Variants in NEB observed in about 807,000 individuals in gnomAD.
NEB encodes the protein nemaline myopathy type 2.
NEB carries 512 observed loss-of-function variants against 952.2 expected under a neutral mutation model. The ratio of observed to expected loss-of-function variants is 0.54; its 90% CI spans 0.50 to 0.58. The LOEUF (loss-of-function observed/expected upper bound fraction) is 0.58, where lower values mean the gene tolerates loss of function less well. Among genes scored for constraint, NEB ranks in the 20% least tolerant of loss-of-function variants. NEB has a pLI of 0.00. For missense variants in NEB, 8,428 were observed against 9,231.1 expected, an observed-to-expected ratio of 0.91 and a Z score of 3.56; for synonymous variants, 2,900 against 3,149.8, an observed-to-expected ratio of 0.92 and a Z score of 2.66.
Position 151,697,704 on chromosome 2 carries a change from A to T in NEB, c.1153-56T>A, listed in dbSNP as rs142661296. The T allele has an allele frequency of 1.6e-5, 17 of 1,083,130 alleles. No individual in the cohort carries two copies. The African/African-American group carries it at 1.6e-4, about 10-fold the overall frequency. 67.1% of individuals were successfully genotyped at this position (1,083,130 alleles called of 1,614,324 possible). ...GATTCCTGTCACTCCCACGCTGATT[A>T]TAACACTTACATTTTCTAACACTAA... is the stretch of plus-strand genomic sequence containing the variant. On this transcript the variant is annotated intron_variant, in intron 13 of 181. Transcript: ENST00000397345.
intron 173 of NEB, among the ~76,000 whole-genome samples, chr2:151,495,774 T>C (rs1262735409): frequency 2.0e-5 from 3 of 152,192 alleles, no homozygotes; most frequent in Non-Finnish European, 4.4e-5. Flanking sequence ...TTGCCAAAAC[T>C]ACTATTGGAT....
chr2:151,654,356 A>G (rs957705659), intron 51 of NEB, among the ~76,000 whole-genome samples: 13 of 152,188 alleles, frequency 8.5e-5, no homozygotes, highest in Admixed American at 2.0e-4. Context: ...TGCTGTTCAG[A>G]AACAATATGG....
At chr2:151,695,499 T>C in intron 18 of NEB, 79 bp downstream of exon 18, 3 of 974,802 alleles carry the variant, frequency 3.1e-6, no homozygotes, top group Non-Finnish European at 4.8e-6. Context: ...AATCTATTCA[T>C]TGAATTGCAA....
In NEB at chr2:151,698,816, T is replaced by A. The variant is rs549119346; in HGVS notation, c.1153-1168A>T. Among the ~76,000 whole-genome samples the A allele has an allele frequency of 2.1e-3, 320 of 152,010 alleles. 1 individual carries two copies. The highest frequency in any genetic ancestry group is 7.5e-3 in the African/African-American group (313 of 41,478). ...CCATGCCCGGCTAATTTTTTTGTAT[T>A]TTTAGTAGAGACAGGGTTTCACTGT... is the stretch of plus-strand genomic sequence containing the variant. On this transcript the variant is annotated intron_variant, in intron 13 of 181. Coordinates refer to ENST00000397345, the MANE Select transcript of NEB (RefSeq NM_001164508.2).
At position 151,709,748 on chromosome 2, in the gene NEB, C is replaced by A; in HGVS notation, c.943G>T (p.Asp315Tyr). 8.1e-6 allele frequency: 13 copies of A among 1,599,410 alleles called. No homozygotes were observed. The highest frequency in any genetic ancestry group is 1.1e-5 in the Non-Finnish European group (13 of 1,171,734). The change falls in exon 12 of 182, where the codon GAT (aspartate) becomes TAT (tyrosine). Residue 315 changes from aspartate to tyrosine, a missense_variant. Around this residue, in one of 11 missense-constraint regions of NEB, gnomAD observed 2,851 missense variants for 2,791.5 expected, o/e 1.02. Transcript: ENST00000397345. ...ATCTGGTCTTTCATGTTTTCAAAATCTTCCTGGTATTTCCTCTGTAAGACA... is the reference window on the plus strand; with the variant it reads ...ATCTGGTCTTTCATGTTTTCAAAATATTCCTGGTATTTCCTCTGTAAGACA... ...DNISTRKYQE[D>Y]FENMKDQIYF...
chr2:151,492,003 TC>T, intron 178 of NEB, 94 bp downstream of exon 178: 1 of 1,300,692 alleles, frequency 7.7e-7, no homozygotes, highest in Non-Finnish European at 1.1e-6. Flanking sequence ...CAGATTGAAG[TC>T]CTTTATGTTT....
chr2:151,501,863 A>G (rs2064886095), intron 167 of NEB, among the ~76,000 whole-genome samples: 1 of 152,190 alleles, frequency 6.6e-6, no homozygotes, highest in South Asian at 2.1e-4. Flanking sequence ...GGTTTGGGGG[A>G]ACAAAATAAA....
Position 151,551,894 on chromosome 2 carries a change from G to A in NEB, c.19837-49C>T, listed in dbSNP as rs760784179. On this transcript the variant is annotated intron_variant, in intron 128 of 181. Coordinates refer to ENST00000397345, the MANE Select transcript of NEB (RefSeq NM_001164508.2). ...AGAAGCAAAGAGAATGGGAACCCAG[G>A]TTCCTCTTTAAAAAAAATAACGGTA... 5.9e-6 allele frequency: 8 copies of A among 1,362,764 alleles called. No homozygotes were observed. The East Asian group carries it at 1.9e-4, about 32-fold the overall frequency. 84.4% of individuals were successfully genotyped at this position (1,362,764 alleles called of 1,614,324 possible).
intron 158 of NEB, 56 bp downstream of exon 158, chr2:151,514,762 G>A: frequency 2.5e-6 from 3 of 1,207,290 alleles, no homozygotes; most frequent in African/African-American, 1.5e-5. Flanking sequence ...ATTAATGAGT[G>A]TCACTAGTGC....
At position 151,621,369 on chromosome 2, in the gene NEB, G is replaced by C. The variant is rs150990450; in HGVS notation, c.10453-343C>G. Among the ~76,000 whole-genome samples the C allele has an allele frequency of 8.3e-4, 126 of 152,156 alleles. 1 individual carries two copies. The highest frequency in any genetic ancestry group is 2.8e-3 in the African/African-American group (116 of 41,512). Reference sequence around the variant, plus strand: ...TTTATTTAACTCCAAATTTGAATTGGGAACATTTTTACTAGCAGAGAACAG... The same window carrying C: ...TTTATTTAACTCCAAATTTGAATTGCGAACATTTTTACTAGCAGAGAACAG... On this transcript the variant is annotated intron_variant, in intron 71 of 181. Transcript: ENST00000397345.
At chr2:151,633,161 C>T (rs2098702060) in intron 65 of NEB, among the ~76,000 whole-genome samples, 1 of 152,166 alleles carries the variant, frequency 6.6e-6, no homozygotes, top group South Asian at 2.1e-4. Context: ...TAGGCTCTGT[C>T]ATTACCATGT....
chr2:151,634,046 T>A, intron 64 of NEB, 81 bp from the exon 65 acceptor site: 2 of 1,450,538 alleles, frequency 1.4e-6, no homozygotes, highest in Non-Finnish European at 1.9e-6. Flanking sequence ...CTTGCTTACA[T>A]CATACTTCAA....
chr2:151,672,193 A>C (rs1347205393), intron 37 of NEB, among the ~76,000 whole-genome samples, 176 bp downstream of exon 37: 1 of 152,238 alleles, frequency 6.6e-6, no homozygotes, highest in African/African-American at 2.4e-5. Context: ...TGATATAAGC[A>C]CAGAAAGCAG....
chr2:151,512,862 G>T (rs1161441677), intron 160 of NEB, 25 bp from the exon 161 acceptor site: 3 of 1,519,608 alleles, frequency 2.0e-6, no homozygotes, highest in Non-Finnish European at 2.7e-6. Flanking sequence ...CGAATAGTTG[G>T]GTAAATGTTT....
At chr2:151,610,992 T>C in intron 78 of NEB, 126 bp from the exon 79 acceptor site, 1 of 598,196 alleles carries the variant, frequency 1.7e-6, no homozygotes, top group Non-Finnish European at 2.9e-6. Flanking sequence ...TAGCTCCTTC[T>C]AATGCTTTTG....
chr2:151,677,950 G>C lies in NEB; in HGVS notation c.3493C>G (p.Leu1165Val). Residue 1165 changes from leucine (L) to valine (V), a missense_variant, in exon 33 of 182, where the codon CTC becomes GTC. Physicochemically the swap from Leu to Val is conservative, Grantham distance 32. Transcript: ENST00000397345. ...VVSNVNYKHS[L>V]HHYTYLPDAM... ...TCAGGCAAGTAGGTGTAATGATGGA[G>C]AGAATGCTTATAGTTGACATTGCTG... 1 of 1,613,960 alleles carries C rather than the reference G, an allele frequency of 6.2e-7. No homozygotes were observed. Among genetic ancestry groups the C allele is most frequent in the Non-Finnish European group, 8.5e-7 (1 of 1,179,862 alleles).
At chr2:151,543,208 A>C (rs1023819452) in intron 135 of NEB, among the ~76,000 whole-genome samples, 1 of 152,248 alleles carries the variant, frequency 6.6e-6, no homozygotes, top group African/African-American at 2.4e-5. Context: ...ATGTTGAAGG[A>C]ATTTAATGTA....
At chr2:151,572,523 AATATATATATAAAAGT>A (rs2096670625) in intron 107 of NEB, among the ~76,000 whole-genome samples, 1 of 144,802 alleles carries the variant, frequency 6.9e-6, no homozygotes, top group African/African-American at 2.5e-5. Flanking sequence ...ATATATATAA[AATATATATATAAAAGT>A]ATATATATAT....
Position 151,526,974 on chromosome 2 carries a change from C to A in NEB, c.21889G>T (p.Val7297Phe). Reference sequence around the variant, plus strand: ...AGCACCGTGTTTTTGTCATCAGTGACAGAAAGCTTGCAACCCTTGAGGAAC... The same window carrying A: ...AGCACCGTGTTTTTGTCATCAGTGAAAGAAAGCTTGCAACCCTTGAGGAAC... ...REFLKGCKLS[V>F]TDDKNTVLAL... The change falls in exon 148 of 182, where the codon GTC becomes TTC. Residue 7297 changes from valine to phenylalanine, a missense_variant. Physicochemically the swap from Val to Phe is conservative, Grantham distance 50. Around this residue, in one of 11 missense-constraint regions of NEB, gnomAD observed 3,374 missense variants for 3,651.5 expected, o/e 0.92. Transcript: ENST00000397345. 6.2e-7 allele frequency: 1 copy of A among 1,604,610 alleles called. No homozygotes were observed. The highest frequency in any genetic ancestry group is 8.5e-7 in the Non-Finnish European group (1 of 1,174,846).
Sources: gnomAD v4.1 joint callset for allele counts (sites outside exome capture counted in the v4.1 genomes callset) on GRCh38, gnomAD v4.1.1 for gene constraint, gnomAD v4.1.1 regional missense constraint, MANE v1.5 for transcripts, NCBI Gene and HGNC (gene_info 2026-07-23, HGNC 2026-07-21) for gene names.